The following LAMA2 variants were observed in gnomAD, a reference collection of about 807,000 sequenced individuals.
The protein encoded by LAMA2 is laminin subunit alpha-2.
Under a neutral mutation model 364.8 loss-of-function variants are expected in LAMA2, and 269 were observed. The observed-to-expected ratio is 0.74, with a 90% CI of 0.67 to 0.82. The LOEUF is 0.82. Ranked by LOEUF, LAMA2 falls within the 40% of genes least tolerant of loss-of-function variation. The probability of loss-of-function intolerance (pLI) is 0.00; values close to 1 mark genes in which losing one functional copy is unlikely to be tolerated. For missense variants in LAMA2, 3,807 were observed against 3,873.2 expected (o/e 0.98, Z 0.45); for synonymous variants, 1,379 against 1,370.6 (o/e 1.01, Z -0.14).
intron 3 of LAMA2, among the ~76,000 whole-genome samples, chr6:129,079,010 A>AT (rs1212711103): frequency 9.9e-5 from 15 of 152,178 alleles, no homozygotes; most frequent in African/African-American, 3.6e-4. Flanking sequence ...TCCAATGTCT[A>AT]TGTATAAGTA....
intron 1 of LAMA2, among the ~76,000 whole-genome samples, chr6:128,998,052 G>A (rs7775367): frequency 0.09 from 13,729 of 151,998 alleles, 717 homozygotes; most frequent in East Asian, 0.15. Context: ...GCACAGATGG[G>A]GTGGGATATG....
At chr6:129,270,266 TACACACAC>T (rs10522614) in intron 16 of LAMA2, among the ~76,000 whole-genome samples, 19,461 of 142,796 alleles carry the variant, frequency 0.14, 1,475 homozygotes, top group African/African-American at 0.2. Flanking sequence ...GCTCTATGAC[TACACACAC>T]ACACACACAC....
At chr6:128,982,366 C>A (rs1385648392) in intron 1 of LAMA2, among the ~76,000 whole-genome samples, 1 of 152,056 alleles carries the variant, frequency 6.6e-6, no homozygotes, top group Non-Finnish European at 1.5e-5. Context: ...GTGGTGTTTG[C>A]GTTTTTCCAA....
rs148643199 is a variant in LAMA2, at chr6:129,366,716, C to T, written c.4860+355C>T. Among the ~76,000 whole-genome samples the T allele has an allele frequency of 9.1e-4, 139 of 152,130 alleles. No individual in the cohort carries two copies. The East Asian group carries it at 0.02, about 22-fold the overall frequency. On this transcript the variant is annotated intron_variant, in intron 33 of 64. Coordinates refer to ENST00000421865, the MANE Select transcript of LAMA2 (RefSeq NM_000426.4). The stretch of plus-strand genomic sequence containing the variant: ...AAACCAATAAAATTCAAATTAAAAA[C>T]ATTAATATAAAGTAACATGATTTTG...
intron 54 of LAMA2, 111 bp from the exon 55 acceptor site, chr6:129,481,152 A>C: frequency 1.2e-6 from 1 of 833,676 alleles, no homozygotes; most frequent in Non-Finnish European, 2.1e-6. Context: ...TTCTAAACCT[A>C]TGATGTATTT....
chr6:129,050,140 G>A, intron 2 of LAMA2, 52 bp downstream of exon 2: 1 of 1,567,826 alleles, frequency 6.4e-7, no homozygotes, highest in Middle Eastern at 1.7e-4. Flanking sequence ...CTATAATTGT[G>A]AGATGTTGAG....
Position 129,456,293 on chromosome 6 carries a change from T to C in LAMA2, c.6708-42T>C, listed in dbSNP as rs200907135. ...CAGAAATGTGATGCATATTTCATTT[T>C]CTGTATGTTCCTCCCCTTCACTTCA... On this transcript the variant is annotated intron_variant, in intron 47 of 64. Transcript: ENST00000421865. 1,062 of 1,580,704 alleles carry C rather than the reference T, an allele frequency of 6.7e-4. 9 individuals carry two copies. The African/African-American group carries it at 0.013, about 19-fold the overall frequency.
chr6:128,890,101 C>T (rs989333153), intron 1 of LAMA2, among the ~76,000 whole-genome samples: 1 of 152,152 alleles, frequency 6.6e-6, no homozygotes, highest in African/African-American at 2.4e-5. Flanking sequence ...GTAGTCCACT[C>T]AACTGACCCC....
intron 3 of LAMA2, among the ~76,000 whole-genome samples, chr6:129,077,548 A>G (rs1221238459): frequency 6.6e-6 from 1 of 152,108 alleles, no homozygotes; most frequent in East Asian, 1.9e-4. Flanking sequence ...TTGCCCTGCT[A>G]CCACTGTATA....
chr6:129,017,434 ATTAT>A (rs1030979480), intron 1 of LAMA2, among the ~76,000 whole-genome samples: 13 of 152,094 alleles, frequency 8.5e-5, no homozygotes, highest in African/African-American at 3.1e-4. Context: ...AAAAATATAG[ATTAT>A]TTACTTACTA....
At chr6:129,422,487 A>G (rs1026660653) in intron 40 of LAMA2, among the ~76,000 whole-genome samples, 3 of 152,080 alleles carry the variant, frequency 2.0e-5, no homozygotes, top group African/African-American at 2.4e-5. Flanking sequence ...AAAATCAGAA[A>G]AGTCACCAAC....
intron 1 of LAMA2, among the ~76,000 whole-genome samples, chr6:128,957,285 A>T (rs996902134): frequency 6.6e-6 from 1 of 152,084 alleles, no homozygotes; most frequent in Admixed American, 6.6e-5. Flanking sequence ...AAACCACTAA[A>T]TCTTACAGGT....
intron 49 of LAMA2, among the ~76,000 whole-genome samples, chr6:129,462,340 C>T (rs1263840044): frequency 6.6e-6 from 1 of 151,846 alleles, no homozygotes; most frequent in African/African-American, 2.4e-5. Flanking sequence ...TGTGCCACAA[C>T]ACAGCCTGTA....
chr6:129,412,123 G>A (rs1328469831), intron 40 of LAMA2, among the ~76,000 whole-genome samples: 1 of 152,028 alleles, frequency 6.6e-6, no homozygotes, highest in Non-Finnish European at 1.5e-5. Flanking sequence ...GAACAAATTG[G>A]AAGTGTATAT....
intron 12 of LAMA2, among the ~76,000 whole-genome samples, chr6:129,201,131 G>A (rs1782259315): frequency 6.6e-6 from 1 of 152,180 alleles, no homozygotes; most frequent in African/African-American, 2.4e-5. Flanking sequence ...ATAAAACTGT[G>A]ATCTCTGAAA....
At chr6:129,468,079 CTA>C (rs1783634213) in intron 51 of LAMA2, among the ~76,000 whole-genome samples, 1 of 151,790 alleles carries the variant, frequency 6.6e-6, no homozygotes, top group Admixed American at 6.6e-5. Context: ...CAAATTGACT[CTA>C]GACTCACATT....
intron 22 of LAMA2, among the ~76,000 whole-genome samples, chr6:129,303,662 A>G (rs1773683108): frequency 6.6e-6 from 1 of 152,170 alleles, no homozygotes; most frequent in South Asian, 2.1e-4. Context: ...GCATCTATTG[A>G]GATGACCATA....
intron 1 of LAMA2, among the ~76,000 whole-genome samples, chr6:128,925,194 C>T (rs532263699): frequency 2.0e-5 from 3 of 152,186 alleles, no homozygotes; most frequent in African/African-American, 7.2e-5. Flanking sequence ...AAAGCAGGGT[C>T]CTGAAAAGAT....
intron 39 of LAMA2, 61 bp downstream of exon 39, chr6:129,402,548 A>C (rs1429181562): frequency 6.8e-7 from 1 of 1,466,920 alleles, no homozygotes; most frequent in African/African-American, 1.4e-5. Flanking sequence ...GGTTTTGACT[A>C]GCATAAATAG....
Sources: gnomAD v4.1 joint callset for allele counts (sites outside exome capture counted in the v4.1 genomes callset) on GRCh38, gnomAD v4.1.1 for gene constraint, MANE v1.5 for transcripts, NCBI Gene and HGNC (gene_info 2026-07-23, HGNC 2026-07-21) for gene names.